The following FMNL2 variants were observed in gnomAD, a reference collection of about 807,000 sequenced individuals.
FMNL2 encodes the protein formin-like protein 2.
FMNL2 carries 51 observed loss-of-function variants against 130.2 expected under a neutral mutation model. The observed-to-expected ratio is 0.39, with a 90% CI of 0.31 to 0.49. The LOEUF is 0.49. FMNL2 is among the 20% of genes least tolerant of loss of function. The pLI is 0.85. For missense variants in FMNL2, 977 were observed against 1,316.2 expected (o/e 0.74, Z 3.99); for synonymous variants, 465 against 467.1 (o/e 1.00, Z 0.06).
At chr2:152,524,934 G>T (rs1693301732) in intron 2 of FMNL2, among the ~76,000 whole-genome samples, 1 of 152,068 alleles carries the variant, frequency 6.6e-6, no homozygotes, top group East Asian at 1.9e-4. Flanking sequence ...TTTTTCTATT[G>T]AAAAAGTTAA....
At chr2:152,491,946 A>G (rs188145885) in intron 1 of FMNL2, among the ~76,000 whole-genome samples, 8 of 152,212 alleles carry the variant, frequency 5.3e-5, no homozygotes, top group Non-Finnish European at 8.8e-5. Flanking sequence ...GTGAGACTTC[A>G]TCTCAACAAC....
chr2:152,609,628 G>A (rs1698572791), intron 10 of FMNL2, among the ~76,000 whole-genome samples: 2 of 151,996 alleles, frequency 1.3e-5, no homozygotes, highest in African/African-American at 2.4e-5. Flanking sequence ...GATAGAACCC[G>A]AGATGATTTT....
At chr2:152,412,468 ATAT>A (rs1686362189) in intron 1 of FMNL2, among the ~76,000 whole-genome samples, 3 of 17,960 alleles carry the variant, frequency 1.7e-4, no homozygotes, top group Non-Finnish European at 4.5e-4. Context: ...ATATATATAT[ATAT>A]ATATATATAT....
intron 1 of FMNL2, among the ~76,000 whole-genome samples, chr2:152,433,181 A>G (rs1687586752): frequency 6.6e-6 from 1 of 152,208 alleles, no homozygotes; most frequent in Non-Finnish European, 1.5e-5. Flanking sequence ...AGGCCCTGGA[A>G]CTAACTAATG....
chr2:152,412,446 T>TTATATATATA (rs56681937), intron 1 of FMNL2, among the ~76,000 whole-genome samples: 2 of 103,252 alleles, frequency 1.9e-5, no homozygotes, highest in South Asian at 3.2e-4. Context: ...TCTGTATATT[T>TTATATATATA]TATATATATA....
intron 1 of FMNL2, among the ~76,000 whole-genome samples, chr2:152,434,876 A>G (rs1687667905): frequency 6.6e-6 from 1 of 151,986 alleles, no homozygotes; most frequent in Non-Finnish European, 1.5e-5. Context: ...TTAATGTGAT[A>G]CTAATCCCTG....
intron 1 of FMNL2, among the ~76,000 whole-genome samples, chr2:152,510,644 T>C (rs1185157746): frequency 1.3e-5 from 2 of 152,218 alleles, no homozygotes; most frequent in East Asian, 1.9e-4. Flanking sequence ...TACACACAGA[T>C]GCAAACACTT....
At chr2:152,433,365 G>T (rs1276852158) in intron 1 of FMNL2, among the ~76,000 whole-genome samples, 4 of 152,186 alleles carry the variant, frequency 2.6e-5, no homozygotes, top group African/African-American at 9.7e-5. Flanking sequence ...GCTCATTTTA[G>T]GGGAGAAGTC....
intron 12 of FMNL2, among the ~76,000 whole-genome samples, chr2:152,615,941 A>C (rs554161859): frequency 1.1e-4 from 16 of 152,290 alleles, no homozygotes; most frequent in African/African-American, 3.9e-4. Flanking sequence ...CAAGTTGGTG[A>C]GCCAAAAACC....
At chr2:152,401,898 CTTTTTTT>C (rs70974858) in intron 1 of FMNL2, among the ~76,000 whole-genome samples, 11 of 78,558 alleles carry the variant, frequency 1.4e-4, no homozygotes, top group South Asian at 9.5e-4. Context: ...TGTGTTTAAT[CTTTTTTT>C]TTTTTTTTTT....
At chr2:152,345,911 A>G (rs929020342) in intron 1 of FMNL2, among the ~76,000 whole-genome samples, 1 of 152,160 alleles carries the variant, frequency 6.6e-6, no homozygotes, top group African/African-American at 2.4e-5. Context: ...CTCAGGGTCC[A>G]CTTTTTGGAA....
intron 4 of FMNL2, among the ~76,000 whole-genome samples, chr2:152,549,527 G>A (rs1230305778): frequency 6.6e-6 from 1 of 152,210 alleles, no homozygotes; most frequent in Non-Finnish European, 1.5e-5. Flanking sequence ...GGGGACGGAA[G>A]CTGGAATAAT....
Position 152,527,794 on chromosome 2 carries a change from C to T in FMNL2, c.201+5768C>T, listed in dbSNP as rs188654567. 1.8e-3 allele frequency among the ~76,000 whole-genome samples: 267 copies of T among 152,260 alleles called. 2 individuals are homozygous for T. The highest frequency in any genetic ancestry group is 6.0e-3 in the African/African-American group (249 of 41,546). Reference sequence around the variant, plus strand: ...TCTTGTGTCCTTTTCACATGACCCTCTTAATCCTTGAGAGCTTGTTTTATG... The same window carrying T: ...TCTTGTGTCCTTTTCACATGACCCTTTTAATCCTTGAGAGCTTGTTTTATG... On this transcript the variant is annotated intron_variant, in intron 2 of 25. Coordinates refer to ENST00000288670, the MANE Select transcript of FMNL2 (RefSeq NM_052905.4).
intron 1 of FMNL2, among the ~76,000 whole-genome samples, chr2:152,368,160 T>C (rs1683669027): frequency 6.6e-6 from 1 of 152,206 alleles, no homozygotes; most frequent in Non-Finnish European, 1.5e-5. Context: ...TCACCATCTT[T>C]CATGCAGTAT....
intron 1 of FMNL2, among the ~76,000 whole-genome samples, chr2:152,370,928 C>T (rs1055003870): frequency 2.0e-5 from 3 of 152,128 alleles, no homozygotes; most frequent in South Asian, 2.1e-4. Context: ...ATGGCTTGAC[C>T]GGGCCACGGG....
At chr2:152,368,585 T>C (rs1038618432) in intron 1 of FMNL2, among the ~76,000 whole-genome samples, 3 of 152,164 alleles carry the variant, frequency 2.0e-5, no homozygotes, top group African/African-American at 7.2e-5. Context: ...GTCTTTGGCA[T>C]TCTTTTGGGT....
chr2:152,642,450 A>C (rs1438861276), intron 25 of FMNL2, among the ~76,000 whole-genome samples: 4 of 152,230 alleles, frequency 2.6e-5, no homozygotes, highest in Admixed American at 1.3e-4. Flanking sequence ...GTGGCTGATG[A>C]AAATGCCATT....
chr2:152,483,117 T>C (rs1351010309), intron 1 of FMNL2, among the ~76,000 whole-genome samples: 1 of 152,204 alleles, frequency 6.6e-6, no homozygotes, highest in Non-Finnish European at 1.5e-5. Flanking sequence ...TGAATAGTCT[T>C]ATTGCTGTAA....
At chr2:152,454,403 T>C (rs1421746996) in intron 1 of FMNL2, among the ~76,000 whole-genome samples, 2 of 152,248 alleles carry the variant, frequency 1.3e-5, no homozygotes, top group Non-Finnish European at 2.9e-5. Context: ...TTTAAGACTG[T>C]AGACTTCCCA....
Sources: allele counts gnomAD v4.1 joint callset (sites outside exome capture counted in the v4.1 genomes callset), GRCh38; gene constraint gnomAD v4.1.1; transcripts MANE v1.5; gene names NCBI Gene and HGNC (gene_info 2026-07-23, HGNC 2026-07-21).